UNC13B: variants seen among roughly 807,000 people sequenced by gnomAD.
UNC13B encodes unc-13 homolog B.
Under a neutral mutation model 211.0 loss-of-function variants are expected in UNC13B, and 144 were observed. The ratio of observed to expected loss-of-function variants is 0.68; its 90% CI spans 0.60 to 0.78. The LOEUF (loss-of-function observed/expected upper bound fraction) is 0.78, where lower values mean the gene tolerates loss of function less well. Among genes scored for constraint, UNC13B ranks in the 30% least tolerant of loss-of-function variants. UNC13B has a pLI of 0.00. For missense variants in UNC13B, 1,777 were observed against 2,002.0 expected, an observed-to-expected ratio of 0.89 and a Z score of 2.14; for synonymous variants, 709 against 725.8, an observed-to-expected ratio of 0.98 and a Z score of 0.37.
chr9:35,371,653 C>T (rs1219405985), intron 13 of UNC13B, among the ~76,000 whole-genome samples: 1 of 152,022 alleles, frequency 6.6e-6, no homozygotes, highest in East Asian at 1.9e-4. Context: ...CACTGTTTGC[C>T]CATGAGCAAG....
chr9:35,341,259 G>T (rs951633736), intron 11 of UNC13B, among the ~76,000 whole-genome samples: 1 of 152,178 alleles, frequency 6.6e-6, no homozygotes, highest in African/African-American at 2.4e-5. Context: ...TGTTGCTTTG[G>T]CATAGCCTGA....
intron 1 of UNC13B, among the ~76,000 whole-genome samples, chr9:35,165,562 C>T (rs1293085939): frequency 7.9e-5 from 12 of 151,648 alleles, no homozygotes; most frequent in African/African-American, 2.4e-4. Flanking sequence ...GGATTACAGG[C>T]GCCTGCCACC....
rs141425410 is a variant in UNC13B at position 35,312,985 on chromosome 9, G to T, written c.9324-914G>T. ...GGGTAAGCCTTCTAAAATACTTAGT[G>T]GAGCAGGAAGGGTTTGCAGGAACAA... On this transcript the variant is annotated intron_variant, in intron 10 of 39. Coordinates refer to ENST00000635942, the MANE Select transcript of UNC13B (RefSeq NM_001371189.2). Among the ~76,000 whole-genome samples the T allele has an allele frequency of 5.9e-4, 90 of 152,190 alleles. 4 individuals are homozygous for T. In the East Asian group the frequency reaches 0.016, roughly 27 times the overall value.
chr9:35,254,976 ATT>A (rs1473883090), intron 6 of UNC13B, among the ~76,000 whole-genome samples: 3 of 122,140 alleles, frequency 2.5e-5, no homozygotes, highest in East Asian at 2.0e-4. Flanking sequence ...TATATTATAT[ATT>A]AATATATGTA....
intron 26 of UNC13B, among the ~76,000 whole-genome samples, chr9:35,393,849 G>GATGC (rs1835701611): frequency 6.6e-6 from 1 of 152,098 alleles, no homozygotes; most frequent in Non-Finnish European, 1.5e-5. Context: ...GGGATTACAG[G>GATGC]TGTGAGCCAA....
chr9:35,381,445 A>T, intron 19 of UNC13B, 111 bp from the exon 20 acceptor site: 4 of 1,335,846 alleles, frequency 3.0e-6, no homozygotes, highest in Non-Finnish European at 4.1e-6. Flanking sequence ...GACTGGAAGG[A>T]CAGAATTTCT....
intron 11 of UNC13B, among the ~76,000 whole-genome samples, chr9:35,354,354 A>AC (rs1189882474): frequency 6.6e-6 from 1 of 152,036 alleles, no homozygotes; most frequent in Admixed American, 6.6e-5. Flanking sequence ...AATTTCCCCT[A>AC]CCCCAGGTAC....
chr9:35,179,081 C>G (rs1266977850), intron 1 of UNC13B, among the ~76,000 whole-genome samples: 1 of 152,208 alleles, frequency 6.6e-6, no homozygotes, highest in Middle Eastern at 3.4e-3. Flanking sequence ...CTTTTCCATA[C>G]TGAAAAGCTG....
At chr9:35,363,472 A>G (rs1312121284) in intron 11 of UNC13B, among the ~76,000 whole-genome samples, 2 of 152,116 alleles carry the variant, frequency 1.3e-5, no homozygotes, top group Non-Finnish European at 2.9e-5. Context: ...CATCTTTCCC[A>G]CCTTCCTGGA....
intron 7 of UNC13B, 97 bp downstream of exon 7, chr9:35,259,147 A>G: frequency 7.9e-7 from 1 of 1,260,854 alleles, no homozygotes; most frequent in Non-Finnish European, 1.1e-6. Flanking sequence ...TGGAGATGTC[A>G]TGTGTGTAAG....
chr9:35,294,058 T>A (rs200397745), intron 7 of UNC13B, among the ~76,000 whole-genome samples: 1 of 138,444 alleles, frequency 7.2e-6, no homozygotes, highest in Non-Finnish European at 1.6e-5. Context: ...AAAACCCACA[T>A]GTTTGTGCTC....
intron 7 of UNC13B, among the ~76,000 whole-genome samples, chr9:35,276,781 T>A (rs972909840): frequency 5.9e-5 from 9 of 152,194 alleles, no homozygotes; most frequent in Non-Finnish European, 1.2e-4. Context: ...TTTTAATTTT[T>A]ATTTTTAAAA....
chr9:35,250,748 T>A (rs188592336), intron 6 of UNC13B, among the ~76,000 whole-genome samples: 5 of 152,296 alleles, frequency 3.3e-5, no homozygotes, highest in Non-Finnish European at 7.3e-5. Flanking sequence ...TTTTCCAAAG[T>A]GGCTATGACA....
chr9:35,163,862 C>T (rs561789387), intron 1 of UNC13B, among the ~76,000 whole-genome samples: 4 of 151,904 alleles, frequency 2.6e-5, no homozygotes, highest in Non-Finnish European at 5.9e-5. Flanking sequence ...TCTGGAGAAA[C>T]GAGATCAGCA....
At position 35,397,488 on chromosome 9, in the gene UNC13B, TGA is replaced by T. The variant is rs780853733; in HGVS notation, c.11677-139_11677-138del. ...TTCTGTCTTAGTGCTGTTCTGTGGT[TGA>T]GAGAGAGCTTTCTCCTGTACTGTGG... On this transcript the variant is annotated intron_variant, in intron 29 of 39. Transcript: ENST00000635942. 3.2e-5 allele frequency: 41 copies of T among 1,276,136 alleles called. No individual in the cohort carries two copies. In the East Asian group the frequency reaches 7.0e-4, roughly 22 times the overall value. The allele number at this position is 1,276,136 out of a possible 1,614,324, so 79.1% of individuals were successfully genotyped here.
chr9:35,235,429 T>C (rs998310156), intron 3 of UNC13B, among the ~76,000 whole-genome samples: 1 of 152,004 alleles, frequency 6.6e-6, no homozygotes, highest in African/African-American at 2.4e-5. Context: ...TGGACTCCCT[T>C]TCATAAATCC....
intron 36 of UNC13B, 128 bp from the exon 37 acceptor site, chr9:35,400,168 C>A: frequency 7.5e-7 from 1 of 1,335,492 alleles, no homozygotes; most frequent in Non-Finnish European, 1.0e-6. Context: ...AGAGCCTATG[C>A]TCTGGTTCTG....
At chr9:35,396,777 C>T in intron 27 of UNC13B, 64 bp from the exon 28 acceptor site, 7 of 1,605,638 alleles carry the variant, frequency 4.4e-6, no homozygotes, top group Non-Finnish European at 6.0e-6. Context: ...TCTGGTGGAG[C>T]TGTCAGGAAG....
chr9:35,354,776 C>T (rs911255315), intron 11 of UNC13B, among the ~76,000 whole-genome samples: 3 of 152,202 alleles, frequency 2.0e-5, no homozygotes, highest in Admixed American at 6.5e-5. Flanking sequence ...GGAATATGCA[C>T]TTGTACGTTG....
Sources: allele counts gnomAD v4.1 joint callset (sites outside exome capture counted in the v4.1 genomes callset), GRCh38; gene constraint gnomAD v4.1.1; transcripts MANE v1.5; gene names NCBI Gene and HGNC (gene_info 2026-07-23, HGNC 2026-07-21).